Variants in PLXNA2 observed in about 807,000 individuals in gnomAD.
PLXNA2 encodes the protein plexin-A2.
In PLXNA2, 91 loss-of-function variants were observed where a neutral mutation model predicts 193.5. The observed-to-expected ratio is 0.47, with a 90% confidence interval of 0.40 to 0.56. PLXNA2 has a LOEUF of 0.56. Ranked by LOEUF, PLXNA2 falls within the 20% of genes least tolerant of loss-of-function variation. PLXNA2 has a pLI of 0.00. For missense variants in PLXNA2, 1,995 were observed against 2,503.2 expected (o/e 0.80, Z 4.33); for synonymous variants, 997 against 1,027.3 (o/e 0.97, Z 0.56).
chr1:208,195,497 G>A (rs1309215252), intron 3 of PLXNA2, among the ~76,000 whole-genome samples: 1 of 152,164 alleles, frequency 6.6e-6, no homozygotes, highest in African/African-American at 2.4e-5. Context: ...GGCCTTGGCT[G>A]CATTTACTGC....
chr1:208,141,067 A>T (rs1384340954), intron 4 of PLXNA2, among the ~76,000 whole-genome samples: 1 of 152,248 alleles, frequency 6.6e-6, no homozygotes, highest in Non-Finnish European at 1.5e-5. Flanking sequence ...ACCTGTTTAT[A>T]CTTCAACGGC....
rs1011122427 is a variant in PLXNA2 at position 208,096,994 on chromosome 1, A to G, written c.1732-111T>C. On this transcript the variant is annotated intron_variant, in intron 6 of 31. Coordinates refer to ENST00000367033, the MANE Select transcript of PLXNA2 (RefSeq NM_025179.4). ...TCACTGATCTCCCCTGACCTCATCTATAAAAGAAGGATGTTGGTCTAAGTG... is the reference window on the plus strand; with the variant it reads ...TCACTGATCTCCCCTGACCTCATCTGTAAAAGAAGGATGTTGGTCTAAGTG... The G allele has an allele frequency of 6.7e-6, 6 of 902,160 alleles. No homozygotes were observed. In the South Asian group the frequency reaches 1.1e-4, roughly 16 times the overall value. 55.9% of individuals were successfully genotyped at this position (902,160 alleles called of 1,614,324 possible). A position where few individuals can be genotyped will look rare whatever the true frequency, so the allele number is the denominator to read the frequency against.
rs1475332843 is a variant in PLXNA2, at chr1:208,025,844, C to T, written c.*1399G>A. 1.3e-5 allele frequency: 2 copies of T among 152,460 alleles called. No individual in the cohort carries two copies. Among genetic ancestry groups the T allele is most frequent in the African/African-American group, 2.4e-5 (1 of 41,428 alleles). 9.4% of individuals were successfully genotyped at this position (152,460 alleles called of 1,614,324 possible). On this transcript the variant is annotated 3_prime_UTR_variant, in exon 32 of 32. Transcript: ENST00000367033. ...GTCCAGTGAGAAGTCATCCACTTGT[C>T]CTTCACACTCACAAGTCCGTGAGAG...
At chr1:208,104,180 G>A (rs1364326906) in intron 4 of PLXNA2, among the ~76,000 whole-genome samples, 2 of 152,228 alleles carry the variant, frequency 1.3e-5, no homozygotes, top group African/African-American at 2.4e-5. Context: ...CCTACCAGAT[G>A]TGTAAAAAGT....
chr1:208,079,365 G>C lies in PLXNA2; in HGVS notation c.2481C>G (p.Ser827Arg). 1.1e-5 allele frequency: 17 copies of C among 1,612,212 alleles called. No individual in the cohort carries two copies. Among genetic ancestry groups the C allele is most frequent in the Non-Finnish European group, 1.4e-5 (17 of 1,179,490 alleles). The change falls in exon 12 of 32, where the codon AGC (serine) becomes AGG (arginine). Residue 827 changes from serine (S) to arginine (R), a missense_variant. Ser to Arg is a moderately radical substitution (Grantham distance 110). Coordinates refer to ENST00000367033, the MANE Select transcript of PLXNA2 (RefSeq NM_025179.4). ...ADRKFECGWCSGERRCTLHQH... is the reference protein window; with the variant it reads ...ADRKFECGWCRGERRCTLHQH... ...GGTGGAGGGTGCACCTGCGCTCGCC[G>C]CTGCACCAGCCACACTCAAACTTCC...
intron 1 of PLXNA2, among the ~76,000 whole-genome samples, chr1:208,241,586 C>G (rs1191550487): frequency 6.6e-6 from 1 of 152,230 alleles, no homozygotes; most frequent in Non-Finnish European, 1.5e-5. Flanking sequence ...ATAGAGATCT[C>G]CTGGTACTTT....
intron 7 of PLXNA2, 105 bp downstream of exon 7, chr1:208,096,624 AT>A: frequency 1.5e-6 from 2 of 1,311,926 alleles, no homozygotes; most frequent in Non-Finnish European, 2.1e-6. Flanking sequence ...CTAAGCCAAT[AT>A]TAGTATCTGG....
chr1:208,065,148 G>C (rs370055245), intron 12 of PLXNA2, among the ~76,000 whole-genome samples: 12 of 152,188 alleles, frequency 7.9e-5, no homozygotes, highest in African/African-American at 2.7e-4. Context: ...AGGATGAGAG[G>C]CTGCGGTGGA....
intron 4 of PLXNA2, among the ~76,000 whole-genome samples, chr1:208,105,729 C>T (rs1387452849): frequency 1.3e-5 from 2 of 152,232 alleles, no homozygotes; most frequent in Non-Finnish European, 2.9e-5. Flanking sequence ...GAGACCCTGG[C>T]TGCCTGGGAG....
chr1:208,162,931 C>T (rs1669178580), intron 3 of PLXNA2, among the ~76,000 whole-genome samples: 1 of 152,158 alleles, frequency 6.6e-6, no homozygotes, highest in Non-Finnish European at 1.5e-5. Flanking sequence ...CTGCTAAGTG[C>T]TGTAACCAAT....
At chr1:208,097,981 A>G (rs1666959432) in intron 6 of PLXNA2, among the ~76,000 whole-genome samples, 1 of 152,164 alleles carries the variant, frequency 6.6e-6, no homozygotes, top group Admixed American at 6.5e-5. Flanking sequence ...CTAGGATTAC[A>G]GGCGTGAGCC....
At chr1:208,226,433 G>C (rs1056257068) in intron 1 of PLXNA2, among the ~76,000 whole-genome samples, 1 of 152,064 alleles carries the variant, frequency 6.6e-6, no homozygotes, top group African/African-American at 2.4e-5. Context: ...AAAACATGTA[G>C]TGTTTGTCCT....
Position 208,027,055 on chromosome 1 carries a change from C to T in PLXNA2, c.*188G>A, listed in dbSNP as rs1175868596. 3 of 540,716 alleles carry T rather than the reference C, an allele frequency of 5.5e-6. No homozygotes were observed. Among genetic ancestry groups the T allele is most frequent in the Non-Finnish European group, 6.6e-6 (2 of 303,276 alleles). 33.5% of individuals were successfully genotyped at this position (540,716 alleles called of 1,614,324 possible). ...AGGATGGACGACGCCCACTGTCTCT[C>T]CCAGCTGGAACTGGCTATGACGAAA... On this transcript the variant is annotated 3_prime_UTR_variant, in exon 32 of 32. Coordinates refer to ENST00000367033, the MANE Select transcript of PLXNA2 (RefSeq NM_025179.4).
At chr1:208,118,042 G>A (rs1213990374) in intron 4 of PLXNA2, among the ~76,000 whole-genome samples, 1 of 152,198 alleles carries the variant, frequency 6.6e-6, no homozygotes, top group East Asian at 1.9e-4. Context: ...GAGACAGTAG[G>A]AGACAGCAGA....
chr1:208,135,593 T>C (rs1668277150), intron 4 of PLXNA2, among the ~76,000 whole-genome samples: 1 of 152,176 alleles, frequency 6.6e-6, no homozygotes, highest in South Asian at 2.1e-4. Context: ...AACAGCAAGC[T>C]TTAAAGTTGT....
intron 1 of PLXNA2, among the ~76,000 whole-genome samples, chr1:208,219,732 C>T (rs1041958009): frequency 1.3e-5 from 2 of 152,204 alleles, no homozygotes; most frequent in African/African-American, 4.8e-5. Flanking sequence ...ACCTAACTCC[C>T]TCCTCCAACC....
intron 6 of PLXNA2, among the ~76,000 whole-genome samples, chr1:208,097,985 G>A (rs897908362): frequency 1.3e-5 from 2 of 152,092 alleles, no homozygotes; most frequent in African/African-American, 4.8e-5. Context: ...GATTACAGGC[G>A]TGAGCCACCG....
intron 3 of PLXNA2, among the ~76,000 whole-genome samples, chr1:208,167,077 C>G (rs1373494526): frequency 1.3e-5 from 2 of 152,208 alleles, no homozygotes; most frequent in East Asian, 3.8e-4. Context: ...TGGGGATAAG[C>G]ATCAACTAGG....
chr1:208,218,870 A>G (rs950135491), intron 1 of PLXNA2, among the ~76,000 whole-genome samples: 9 of 152,168 alleles, frequency 5.9e-5, no homozygotes, highest in Non-Finnish European at 2.9e-5. Flanking sequence ...GGCAGAGCAC[A>G]TGGGAAGCCA....
Sources: allele counts gnomAD v4.1 joint callset (sites outside exome capture counted in the v4.1 genomes callset), GRCh38; gene constraint gnomAD v4.1.1; transcripts MANE v1.5; gene names NCBI Gene and HGNC (gene_info 2026-07-23, HGNC 2026-07-21).